Variants in TMEM178B observed in about 807,000 individuals in gnomAD.
TMEM178B encodes transmembrane protein 178B.
Under a neutral mutation model 31.0 loss-of-function variants are expected in TMEM178B, and 5 were observed. The ratio of observed to expected loss-of-function variants is 0.16; its 90% confidence interval spans 0.08 to 0.34. The LOEUF is 0.34. TMEM178B is among the 10% of genes least tolerant of loss of function. The pLI is 1.00. For missense variants in TMEM178B, 275 were observed against 400.3 expected, an observed-to-expected ratio of 0.69 and a Z score of 2.67; for synonymous variants, 164 against 164.0, an observed-to-expected ratio of 1.00 and a Z score of 0.00.
chr7:141,477,119 A>AC lies in TMEM178B; in HGVS notation c.*6336dup, dbSNP rs1802386222. On this transcript the variant is annotated 3_prime_UTR_variant, in exon 4 of 4. Coordinates refer to ENST00000565468, the MANE Select transcript of TMEM178B (RefSeq NM_001195278.2). ...CCTTTCCTTTCCGGGTCACCCATAG[A>AC]CCCTCTCCGTCTGTACCAGTGCGTC... 1 of 154,364 alleles carries AC rather than the reference A, an allele frequency of 6.5e-6. No individual in the cohort carries two copies. The highest frequency in any genetic ancestry group is 2.4e-5 in the African/African-American group (1 of 41,260). 9.6% of individuals were successfully genotyped at this position (154,364 alleles called of 1,614,324 possible). A position where few individuals can be genotyped will look rare whatever the true frequency, so the allele number is the denominator to read the frequency against.
At position 141,409,068 on chromosome 7, in the gene TMEM178B, T is replaced by G. The variant is rs534641200; in HGVS notation, c.497-28540T>G. Reference sequence around the variant, plus strand: ...CTTGCATATCAGAAGAGCTGGGATCTCCTTCTAGAAGCAGTGGGGAGCCAC... The same window carrying G: ...CTTGCATATCAGAAGAGCTGGGATCGCCTTCTAGAAGCAGTGGGGAGCCAC... On this transcript the variant is annotated intron_variant, in intron 2 of 3. Coordinates refer to ENST00000565468, the MANE Select transcript of TMEM178B (RefSeq NM_001195278.2). Among the ~76,000 whole-genome samples, 3 of 152,336 alleles carry G rather than the reference T, an allele frequency of 2.0e-5. No homozygotes were observed. In the East Asian group the frequency reaches 5.8e-4, roughly 29 times the overall value.
chr7:141,333,234 G>C (rs142057275), intron 2 of TMEM178B, among the ~76,000 whole-genome samples: 51 of 152,368 alleles, frequency 3.3e-4, no homozygotes, highest in African/African-American at 1.1e-3. Context: ...GCCTTGGCCA[G>C]TCTGGGACTA....
At chr7:141,242,134 T>C (rs574316257) in intron 2 of TMEM178B, among the ~76,000 whole-genome samples, 1 of 152,208 alleles carries the variant, frequency 6.6e-6, no homozygotes, top group East Asian at 1.9e-4. Flanking sequence ...CTCCTATTAA[T>C]AGAACTGGTT....
At chr7:141,343,108 A>C (rs1428885567) in intron 2 of TMEM178B, among the ~76,000 whole-genome samples, 1 of 152,188 alleles carries the variant, frequency 6.6e-6, no homozygotes, top group Non-Finnish European at 1.5e-5. Flanking sequence ...TGAGCTCCCA[A>C]GCGATGCTCA....
At chr7:141,462,627 G>A (rs1467055849) in intron 3 of TMEM178B, among the ~76,000 whole-genome samples, 2 of 152,034 alleles carry the variant, frequency 1.3e-5, no homozygotes, top group African/African-American at 4.8e-5. Context: ...ACTAAAATTA[G>A]CAAGAAAACT....
intron 1 of TMEM178B, among the ~76,000 whole-genome samples, chr7:141,188,383 T>C (rs1342983305): frequency 6.6e-6 from 1 of 152,242 alleles, no homozygotes; most frequent in Non-Finnish European, 1.5e-5. Flanking sequence ...GAAGGCTCAA[T>C]GGTGAGTATA....
chr7:141,180,082 G>A (rs907771232), intron 1 of TMEM178B, among the ~76,000 whole-genome samples: 3 of 152,168 alleles, frequency 2.0e-5, no homozygotes, highest in Non-Finnish European at 2.9e-5. Flanking sequence ...AACTCTCCGT[G>A]ACACAGTATA....
intron 2 of TMEM178B, among the ~76,000 whole-genome samples, chr7:141,378,561 G>A (rs767688046): frequency 3.9e-5 from 6 of 152,182 alleles, no homozygotes; most frequent in African/African-American, 7.2e-5. Flanking sequence ...TGGCATTGCC[G>A]GAGATGGTAC....
At chr7:141,444,991 G>A (rs115603915) in intron 3 of TMEM178B, among the ~76,000 whole-genome samples, 4,110 of 152,194 alleles carry the variant, frequency 0.027, 186 homozygotes, top group African/African-American at 0.093. Context: ...GGAGGAGACC[G>A]CGGCCAGAAC....
downstream of TMEM178B, among the ~76,000 whole-genome samples, chr7:141,480,912 G>A (rs1018549006): frequency 3.9e-5 from 6 of 152,216 alleles, no homozygotes; most frequent in African/African-American, 1.4e-4. Flanking sequence ...TCTGTAAAGG[G>A]TGGTGTATCT....
chr7:141,279,586 G>A (rs1237504029), intron 2 of TMEM178B, among the ~76,000 whole-genome samples: 1 of 152,196 alleles, frequency 6.6e-6, no homozygotes, highest in Admixed American at 6.5e-5. Flanking sequence ...TTTGTTCTAG[G>A]CAAAGTAACT....
chr7:141,233,613 G>A (rs1171684583), intron 2 of TMEM178B, among the ~76,000 whole-genome samples: 1 of 152,182 alleles, frequency 6.6e-6, no homozygotes, highest in Non-Finnish European at 1.5e-5. Flanking sequence ...TTTTGTGAGG[G>A]AAGAGTCTTA....
chr7:141,102,234 C>T (rs910410037), intron 1 of TMEM178B, among the ~76,000 whole-genome samples: 5 of 152,042 alleles, frequency 3.3e-5, no homozygotes, highest in South Asian at 2.1e-4. Context: ...TACTGTAATC[C>T]GATAGAGAAA....
intron 1 of TMEM178B, among the ~76,000 whole-genome samples, chr7:141,172,679 T>C (rs1796367399): frequency 6.6e-6 from 1 of 152,188 alleles, no homozygotes; most frequent in Non-Finnish European, 1.5e-5. Context: ...TGGGAATGGA[T>C]GAGAACAGAA....
intron 3 of TMEM178B, among the ~76,000 whole-genome samples, chr7:141,464,195 C>T (rs1403646457): frequency 6.6e-6 from 1 of 152,070 alleles, no homozygotes; most frequent in Non-Finnish European, 1.5e-5. Context: ...CTTTGGGGAC[C>T]CCTTTCTGTT....
chr7:141,308,915 A>G (rs1349576470), intron 2 of TMEM178B, among the ~76,000 whole-genome samples: 1 of 152,210 alleles, frequency 6.6e-6, no homozygotes, highest in Non-Finnish European at 1.5e-5. Flanking sequence ...CCAAAAACAC[A>G]GAAGTCAAAC....
intron 2 of TMEM178B, among the ~76,000 whole-genome samples, chr7:141,216,459 G>A (rs537343705): frequency 6.3e-4 from 24 of 38,296 alleles, no homozygotes; most frequent in Non-Finnish European, 1.4e-3. Flanking sequence ...GCGCGCGCGC[G>A]CGCGTGTGTG....
chr7:141,191,948 G>T (rs1319228293), intron 1 of TMEM178B, among the ~76,000 whole-genome samples: 1 of 152,084 alleles, frequency 6.6e-6, no homozygotes, highest in African/African-American at 2.4e-5. Flanking sequence ...CCAATGCTTT[G>T]TGACTTAAAT....
At chr7:141,252,418 C>T (rs926552219) in intron 2 of TMEM178B, among the ~76,000 whole-genome samples, 5 of 152,114 alleles carry the variant, frequency 3.3e-5, no homozygotes, top group Admixed American at 6.6e-5. Flanking sequence ...TCAAAAGAAA[C>T]GAGGGAGGCA....
Sources: gnomAD v4.1 joint callset for allele counts (sites outside exome capture counted in the v4.1 genomes callset) on GRCh38, gnomAD v4.1.1 for gene constraint, MANE v1.5 for transcripts, NCBI Gene and HGNC (gene_info 2026-07-23, HGNC 2026-07-21) for gene names.